Variants in TTC7B observed in about 807,000 individuals in gnomAD.
TTC7B encodes the protein tetratricopeptide repeat protein 7B.
TTC7B carries 28 observed loss-of-function variants against 106.8 expected under a neutral mutation model. The ratio of observed to expected loss-of-function variants is 0.26; its 90% CI spans 0.19 to 0.36. The LOEUF (loss-of-function observed/expected upper bound fraction) is 0.36, where lower values mean the gene tolerates loss of function less well. Ranked by LOEUF, TTC7B falls within the 10% of genes least tolerant of loss-of-function variation. The pLI, the probability that TTC7B is intolerant of heterozygous loss-of-function variation, is 1.00. For synonymous variants in TTC7B, 405 were observed against 430.6 expected (o/e 0.94, Z 0.74); for missense variants, 862 against 1,076.4 (o/e 0.80, Z 2.79).
intron 9 of TTC7B, among the ~76,000 whole-genome samples, chr14:90,666,254 T>C (rs1457442897): frequency 6.6e-6 from 1 of 152,148 alleles, no homozygotes; most frequent in Non-Finnish European, 1.5e-5. Context: ...CTCCACCTCC[T>C]GGGTTCAAGT....
intron 7 of TTC7B, among the ~76,000 whole-genome samples, chr14:90,685,190 T>G (rs1887208525): frequency 6.6e-6 from 1 of 152,232 alleles, no homozygotes; most frequent in Admixed American, 6.5e-5. Flanking sequence ...CTCTGCCATC[T>G]AAATTTTGCT....
intron 3 of TTC7B, among the ~76,000 whole-genome samples, chr14:90,753,788 T>C (rs1471451563): frequency 6.6e-6 from 1 of 152,250 alleles, no homozygotes; most frequent in East Asian, 1.9e-4. Flanking sequence ...GGAGGTGTGC[T>C]CACAGGTACA....
chr14:90,713,523 T>G lies in TTC7B; in HGVS notation c.698+16552A>C, dbSNP rs936304088. 3.9e-5 allele frequency among the ~76,000 whole-genome samples: 6 copies of G among 152,286 alleles called. 1 individual carries two copies. The highest frequency in any genetic ancestry group is 2.0e-4 in the Admixed American group (3 of 15,296). On this transcript the variant is annotated intron_variant, in intron 5 of 19. Transcript: ENST00000328459. ...ACTACTGATACTACTACAAACTTAC[T>G]AGAATGGCTCTAATTCAAAAAACTG...
chr14:90,596,656 T>C (rs945379858), intron 17 of TTC7B, among the ~76,000 whole-genome samples: 1 of 152,220 alleles, frequency 6.6e-6, no homozygotes, highest in East Asian at 1.9e-4. Flanking sequence ...TCTCTGGTCC[T>C]TGGTGCTTCT....
chr14:90,741,349 C>T (rs1450150671), intron 4 of TTC7B, among the ~76,000 whole-genome samples: 1 of 152,146 alleles, frequency 6.6e-6, no homozygotes, highest in Admixed American at 6.5e-5. Flanking sequence ...CTCCAAAAAC[C>T]CTCCCCAAAT....
At chr14:90,610,052 T>C (rs1892809892) in intron 17 of TTC7B, among the ~76,000 whole-genome samples, 1 of 152,222 alleles carries the variant, frequency 6.6e-6, no homozygotes. Flanking sequence ...GAAACAGAAA[T>C]GGACTTTGTG....
intron 15 of TTC7B, among the ~76,000 whole-genome samples, chr14:90,625,917 G>A (rs148778502): frequency 4.7e-4 from 72 of 152,310 alleles, no homozygotes; most frequent in African/African-American, 1.7e-3. Flanking sequence ...ACCCAAAGCT[G>A]GAAAAGGCCT....
intron 19 of TTC7B, among the ~76,000 whole-genome samples, chr14:90,576,498 C>CTGT (rs1891267167): frequency 6.6e-6 from 1 of 152,204 alleles, no homozygotes; most frequent in Non-Finnish European, 1.5e-5. Context: ...CTGAAAATGA[C>CTGT]TGTCTTCAGT....
intron 1 of TTC7B, among the ~76,000 whole-genome samples, chr14:90,790,511 T>A (rs138578023): frequency 2.2e-4 from 34 of 152,230 alleles, no homozygotes; most frequent in Non-Finnish European, 4.6e-4. Flanking sequence ...ATGATTTAAC[T>A]TCATTGATTC....
intron 5 of TTC7B, among the ~76,000 whole-genome samples, chr14:90,715,756 TTCAGCAC>T (rs1888631528): frequency 6.6e-6 from 1 of 152,096 alleles, no homozygotes; most frequent in African/African-American, 2.4e-5. Context: ...GCCTTGTAGA[TTCAGCAC>T]TCAACCATGA....
At chr14:90,728,023 C>A (rs1889176165) in intron 5 of TTC7B, among the ~76,000 whole-genome samples, 1 of 152,162 alleles carries the variant, frequency 6.6e-6, no homozygotes, top group Non-Finnish European at 1.5e-5. Flanking sequence ...GTCAAGCAGC[C>A]CTGACAGCAC....
chr14:90,601,124 AAGG>A (rs1892407344), intron 17 of TTC7B, among the ~76,000 whole-genome samples: 1 of 152,216 alleles, frequency 6.6e-6, no homozygotes, highest in Non-Finnish European at 1.5e-5. Context: ...AGAACTAATT[AAGG>A]AGAATTATAT....
intron 4 of TTC7B, 147 bp from the exon 5 acceptor site, chr14:90,730,343 C>T (rs1379778099): frequency 2.1e-6 from 2 of 946,312 alleles, no homozygotes; most frequent in African/African-American, 3.4e-5. Flanking sequence ...GAAGTGCAAG[C>T]ATTAGAAAAG....
chr14:90,644,269 A>G, intron 14 of TTC7B, 61 bp from the exon 15 acceptor site: 4 of 1,321,500 alleles, frequency 3.0e-6, no homozygotes, highest in Non-Finnish European at 3.0e-6. Flanking sequence ...ACACACACAC[A>G]CACACACACA....
intron 6 of TTC7B, among the ~76,000 whole-genome samples, chr14:90,694,678 TTTTTATTTTATTATAAAATATA>T (rs1313872813): frequency 2.2e-5 from 1 of 45,954 alleles, no homozygotes; most frequent in African/African-American, 7.8e-5. Context: ...TATATGTATA[TTTTTATTTTATTATAAAATATA>T]TTTTATTTTA....
intron 4 of TTC7B, among the ~76,000 whole-genome samples, chr14:90,740,944 T>C (rs1489166986): frequency 2.0e-5 from 3 of 152,226 alleles, no homozygotes; most frequent in African/African-American, 7.2e-5. Flanking sequence ...ATTTACTGCA[T>C]GCTGACAATG....
chr14:90,643,404 T>C (rs1174630212), intron 15 of TTC7B, among the ~76,000 whole-genome samples: 1 of 150,916 alleles, frequency 6.6e-6, no homozygotes, highest in Non-Finnish European at 1.5e-5. Context: ...TGATATTCCG[T>C]CTCAAAAAAA....
Position 90,570,146 on chromosome 14 carries a change from G to A in TTC7B, c.2310+7960C>T, listed in dbSNP as rs1416405504. Among the ~76,000 whole-genome samples, 1 of 152,226 alleles carries A rather than the reference G, an allele frequency of 6.6e-6. No individual in the cohort carries two copies. The highest frequency in any genetic ancestry group is 1.5e-5 in the Non-Finnish European group (1 of 68,052). On this transcript the variant is annotated intron_variant, in intron 19 of 19. Transcript: ENST00000328459. This position sits in a 1 kb window ranked among gnomAD's most constrained non-coding sequence, Gnocchi z 4.0. ...CCCGGCTGTACCCAGCACACTGAGT[G>A]AGAGCCCCACTTACAGCCTAGCAGG... is the stretch of plus-strand genomic sequence containing the variant.
intron 5 of TTC7B, among the ~76,000 whole-genome samples, chr14:90,721,232 G>A (rs577177743): frequency 5.4e-4 from 82 of 152,156 alleles, no homozygotes; most frequent in African/African-American, 1.7e-3. Flanking sequence ...CAACACAAAC[G>A]CACCCATCTT....
Sources: gnomAD v4.1 joint callset for allele counts (sites outside exome capture counted in the v4.1 genomes callset) on GRCh38, gnomAD v4.1.1 for gene constraint, Gnocchi (gnomAD v3.1) non-coding constraint, MANE v1.5 for transcripts, NCBI Gene and HGNC (gene_info 2026-07-23, HGNC 2026-07-21) for gene names.